DOCK11: variants seen among roughly 807,000 people sequenced by gnomAD.
The protein encoded by DOCK11 is dedicator of cytokinesis 11, also known as dedicator of cytokinesis protein 11.
Under a neutral mutation model 169.1 loss-of-function variants are expected in DOCK11, and 70 were observed. That is an observed-to-expected ratio of 0.41 (90% confidence interval 0.34 to 0.51). The LOEUF (loss-of-function observed/expected upper bound fraction) is 0.51, where lower values mean the gene tolerates loss of function less well. DOCK11 is among the 20% of genes least tolerant of loss of function. The pLI is 0.10. For synonymous variants in DOCK11, 529 were observed against 541.3 expected, an observed-to-expected ratio of 0.98 and a Z score of 0.32; for missense variants, 1,166 against 1,538.8, an observed-to-expected ratio of 0.76 and a Z score of 4.05.
intron 28 of DOCK11, among the ~76,000 whole-genome samples, chrX:118,611,216 A>G (rs973097230): frequency 4.5e-5 from 5 of 112,008 alleles, no homozygotes; most frequent in Non-Finnish European, 9.4e-5. Context: ...CCACATCCTC[A>G]CCAACACTTG....
intron 16 of DOCK11, among the ~76,000 whole-genome samples, chrX:118,587,778 A>T (rs950367529): frequency 3.6e-5 from 4 of 112,358 alleles, no homozygotes; most frequent in Non-Finnish European, 7.5e-5. Context: ...TGATACCAAT[A>T]AAAATTTGCA....
chrX:118,550,653 A>G lies in DOCK11; in HGVS notation c.558+4537A>G, dbSNP rs145212113. Among the ~76,000 whole-genome samples, 116 of 111,193 alleles carry G rather than the reference A, an allele frequency of 1.0e-3. 1 individual carries two copies. Among genetic ancestry groups the G allele is most frequent in the African/African-American group, 3.5e-3 (108 of 30,549 alleles). On this transcript the variant is annotated intron_variant, in intron 6 of 52. Transcript: ENST00000276202. ...AAGCACAAGTCCAGGCCTATGAACA[A>G]AGGCACACTGGGAGAGTCTGGTTTG... is the stretch of plus-strand genomic sequence containing the variant.
intron 40 of DOCK11, among the ~76,000 whole-genome samples, chrX:118,648,106 T>C (rs1357664506): frequency 1.3e-5 from 1 of 74,622 alleles, no homozygotes; most frequent in African/African-American, 5.3e-5. Context: ...TTATACAATA[T>C]AATATATAAA....
intron 16 of DOCK11, among the ~76,000 whole-genome samples, chrX:118,586,237 C>G (rs5957031): frequency 0.071 from 7,878 of 111,134 alleles, 496 homozygotes; most frequent in African/African-American, 0.19. Flanking sequence ...AGTTGTATTA[C>G]TCCGTTTTTC....
chrX:118,544,778 A>G (rs1229788700), intron 4 of DOCK11, among the ~76,000 whole-genome samples: 1 of 101,620 alleles, frequency 9.8e-6, no homozygotes, highest in African/African-American at 3.7e-5. Context: ...CTTCTGCCTC[A>G]GCCTCCTGAG....
intron 40 of DOCK11, 76 bp downstream of exon 40, chrX:118,643,670 TGTG>T: frequency 1.8e-6 from 2 of 1,084,283 alleles, no homozygotes; most frequent in Middle Eastern, 2.6e-4. Flanking sequence ...TGGGGGTCAT[TGTG>T]GTGACATATA....
chrX:118,597,368 G>C, intron 20 of DOCK11, 63 bp from the exon 21 acceptor site: 2 of 1,198,732 alleles, frequency 1.7e-6, no homozygotes, highest in Non-Finnish European at 2.3e-6. Context: ...CTAGCAGTCA[G>C]CCATTTGTGT....
chrX:118,605,582 C>T (rs187557697), intron 24 of DOCK11, among the ~76,000 whole-genome samples: 88 of 112,070 alleles, frequency 7.9e-4, no homozygotes, highest in African/African-American at 2.6e-3. Flanking sequence ...GAATTTTCCA[C>T]GGTTTCTCCT....
chrX:118,595,432 A>G (rs1213412577), intron 20 of DOCK11, among the ~76,000 whole-genome samples: 1 of 111,794 alleles, frequency 8.9e-6, no homozygotes, highest in African/African-American at 3.3e-5. Context: ...CTAGTGAGAC[A>G]TTGGAGTGAT....
At chrX:118,598,843 C>T (rs1361312411) in intron 22 of DOCK11, among the ~76,000 whole-genome samples, 1 of 111,598 alleles carries the variant, frequency 9.0e-6, no homozygotes, top group Non-Finnish European at 1.9e-5. Flanking sequence ...ACCTTTATTC[C>T]TGCTTATTTC....
chrX:118,610,149 G>T, intron 27 of DOCK11, 123 bp from the exon 28 acceptor site: 1 of 676,733 alleles, frequency 1.5e-6, no homozygotes, highest in Non-Finnish European at 2.3e-6. Context: ...TTTTTAAGTT[G>T]GGAGAACAAT....
chrX:118,495,876 G>A lies in DOCK11; in HGVS notation c.-96G>A, dbSNP rs911169616. The A allele has an allele frequency of 1.9e-4, 80 of 414,549 alleles. No homozygotes were observed. Among genetic ancestry groups the A allele is most frequent in the Non-Finnish European group, 2.6e-4 (80 of 309,731 alleles). 34.2% of individuals were successfully genotyped at this position (414,549 alleles called of 1,213,427 possible). On this transcript the variant is annotated 5_prime_UTR_variant, in exon 1 of 53. Transcript: ENST00000276202. ...CGGCCGGCCGGCGAGTAAACAGAGG[G>A]AGCAGCAGCGGCCGCGGCCGCCGCG...
At chrX:118,674,944 C>T (rs753023086) in intron 46 of DOCK11, among the ~76,000 whole-genome samples, 6 of 111,991 alleles carry the variant, frequency 5.4e-5, no homozygotes, top group Non-Finnish European at 9.4e-5. Context: ...AGTGTCTTTT[C>T]GTGTCCTTCT....
At chrX:118,496,137 G>T in intron 1 of DOCK11, 64 bp downstream of exon 1, 1 of 796,268 alleles carries the variant, frequency 1.3e-6, no homozygotes, top group Non-Finnish European at 1.6e-6. Flanking sequence ...CGCGGGAAGG[G>T]GCAGGAACGG....
chrX:118,574,430 G>A (rs1336330464), intron 12 of DOCK11, among the ~76,000 whole-genome samples: 1 of 111,227 alleles, frequency 9.0e-6, no homozygotes, highest in Non-Finnish European at 1.9e-5. Context: ...TTAGCCAGGC[G>A]TGGTGATGTG....
In DOCK11 at chrX:118,593,251, A is replaced by G; in HGVS notation, c.2177A>G (p.His726Arg). 8.3e-7 allele frequency: 1 copy of G among 1,205,468 alleles called. No individual in the cohort carries two copies. Among genetic ancestry groups the G allele is most frequent in the Non-Finnish European group, 1.1e-6 (1 of 892,573 alleles). ...CTTCCCATTCACCTACATCAAAAAC[A>G]TCATTTGCTTTTCACTTTTTATCAT... ...IELPIHLHQKHHLLFTFYHVS... is the reference protein window; with the variant it reads ...IELPIHLHQKRHLLFTFYHVS... Residue 726 changes from histidine to arginine, a missense_variant, in exon 20 of 53, where the codon CAT (histidine) becomes CGT (arginine). By Grantham distance (29) the His-to-Arg change is conservative. Transcript: ENST00000276202.
chrX:118,634,998 A>C (rs901261701), intron 35 of DOCK11, among the ~76,000 whole-genome samples: 1 of 112,373 alleles, frequency 8.9e-6, no homozygotes, highest in Non-Finnish European at 1.9e-5. Flanking sequence ...TGCTGGGATT[A>C]CAGGCGTGAC....
intron 31 of DOCK11, among the ~76,000 whole-genome samples, chrX:118,624,185 C>A (rs1182883275): frequency 8.9e-6 from 1 of 112,986 alleles, no homozygotes; most frequent in East Asian, 2.7e-4. Flanking sequence ...AAGCAGTGAA[C>A]AAGACAGACA....
chrX:118,577,930 G>C (rs188780425), intron 12 of DOCK11, among the ~76,000 whole-genome samples: 19 of 111,825 alleles, frequency 1.7e-4, no homozygotes, highest in Admixed American at 6.7e-4. Flanking sequence ...CTGGACAGGA[G>C]GTGTTCCTGT....
Sources: allele counts gnomAD v4.1 joint callset (sites outside exome capture counted in the v4.1 genomes callset), GRCh38; gene constraint gnomAD v4.1.1; transcripts MANE v1.5; gene names NCBI Gene and HGNC (gene_info 2026-07-23, HGNC 2026-07-21).